The following PLEKHA1 variants were observed in gnomAD, a reference collection of about 807,000 sequenced individuals.
The protein encoded by PLEKHA1 is pleckstrin homology domain-containing family A member 1.
In PLEKHA1, 34 loss-of-function variants were observed where a neutral mutation model predicts 52.0. The ratio of observed to expected loss-of-function variants is 0.65; its 90% CI spans 0.50 to 0.87. The LOEUF is 0.87. PLEKHA1 is among the 40% of genes least tolerant of loss of function. The probability of loss-of-function intolerance (pLI) is 0.00; values close to 1 mark genes in which losing one functional copy is unlikely to be tolerated. For synonymous variants in PLEKHA1, 163 were observed against 170.7 expected (o/e 0.95, Z 0.35); for missense variants, 497 against 504.2 (o/e 0.99, Z 0.14).
In PLEKHA1 at chr10:122,379,705, A is replaced by C. The variant is rs560994565; in HGVS notation, c.-21+4899A>C. 2.0e-5 allele frequency among the ~76,000 whole-genome samples: 3 copies of C among 152,330 alleles called. No homozygotes were observed. The South Asian group carries it at 6.2e-4, about 32-fold the overall frequency. On this transcript the variant is annotated intron_variant, in intron 1 of 11. Coordinates refer to ENST00000368990, the MANE Select transcript of PLEKHA1 (RefSeq NM_001001974.4). The stretch of plus-strand genomic sequence containing the variant: ...TACAGATATTTGATCCTCTATGTCT[A>C]TATATCCTCAGCTTTGTGTTTGTCA...
chr10:122,408,677 C>T (rs1378336408), intron 5 of PLEKHA1, among the ~76,000 whole-genome samples: 1 of 152,024 alleles, frequency 6.6e-6, no homozygotes, highest in Non-Finnish European at 1.5e-5. Context: ...AAATAATTTC[C>T]TATGCTTTAA....
At chr10:122,428,410 G>T in intron 11 of PLEKHA1, 2 of 1,467,624 alleles carry the variant, frequency 1.4e-6, no homozygotes, top group South Asian at 2.9e-5. Flanking sequence ...ACTTACAACT[G>T]ATCATAGAAA....
intron 5 of PLEKHA1, among the ~76,000 whole-genome samples, chr10:122,409,873 G>A (rs1162751612): frequency 2.0e-5 from 3 of 151,264 alleles, no homozygotes; most frequent in Non-Finnish European, 4.4e-5. Flanking sequence ...CTCCGCCACC[G>A]GGGTTCAAGT....
At chr10:122,388,494 A>G (rs914171705) in intron 1 of PLEKHA1, among the ~76,000 whole-genome samples, 3 of 152,168 alleles carry the variant, frequency 2.0e-5, no homozygotes, top group Admixed American at 6.5e-5. Context: ...TCAATTCTGA[A>G]TATCTGAATC....
intron 8 of PLEKHA1, 191 bp downstream of exon 8, chr10:122,418,159 A>T (rs1400878674): frequency 2.1e-6 from 1 of 466,118 alleles, no homozygotes; most frequent in East Asian, 3.4e-5. Context: ...AAGTAAAAAG[A>T]TCCTATCTTC....
intron 8 of PLEKHA1, chr10:122,423,491 A>G (rs1031244288): frequency 2.6e-5 from 4 of 152,026 alleles, no homozygotes; most frequent in African/African-American, 9.6e-5. Context: ...TTGGTGCTAC[A>G]TAAAGTAATG....
At position 122,430,185 on chromosome 10, in the gene PLEKHA1, G is replaced by C. The variant is rs1007895905; in HGVS notation, c.*247G>C. On this transcript the variant is annotated 3_prime_UTR_variant, in exon 12 of 12. Coordinates refer to ENST00000368990, the MANE Select transcript of PLEKHA1 (RefSeq NM_001001974.4). ...GTATCATCTGTCTGAAGCATTGTGT[G>C]TTCTCATTCGGGTGGTAACAATGTA... 1.3e-5 allele frequency: 5 copies of C among 386,048 alleles called. No individual in the cohort carries two copies. Among genetic ancestry groups the C allele is most frequent in the African/African-American group, 2.1e-5 (1 of 48,256 alleles). The allele number at this position is 386,048 out of a possible 1,614,324, so 23.9% of individuals were successfully genotyped here.
rs183690207 is a variant in PLEKHA1 at position 122,400,082 on chromosome 10, C to T, written c.199-261C>T. ...ATAAAGCCTAATGGTTTACTTTCAG[C>T]TTCTCTCTGACATTTCTTTGAAGAG... On this transcript the variant is annotated intron_variant, in intron 3 of 11. Coordinates refer to ENST00000368990, the MANE Select transcript of PLEKHA1 (RefSeq NM_001001974.4). Among the ~76,000 whole-genome samples, 523 of 152,272 alleles carry T rather than the reference C, an allele frequency of 3.4e-3. 3 individuals carry two copies. The highest frequency in any genetic ancestry group is 9.5e-3 in the South Asian group (46 of 4,830).
chr10:122,398,977 C>G lies in PLEKHA1; in HGVS notation c.198+1003C>G, dbSNP rs77101676. 2.3e-3 allele frequency among the ~76,000 whole-genome samples: 350 copies of G among 152,250 alleles called. 3 individuals are homozygous for G. Among genetic ancestry groups the G allele is most frequent in the African/African-American group, 7.9e-3 (330 of 41,552 alleles). On this transcript the variant is annotated intron_variant, in intron 3 of 11. Transcript: ENST00000368990. Reference sequence around the variant, plus strand: ...ATACGACAAATATTGTATGGAAGCTCTTTCTTGAAATCAGTAAAGTAGGTG... The same window carrying G: ...ATACGACAAATATTGTATGGAAGCTGTTTCTTGAAATCAGTAAAGTAGGTG...
intron 10 of PLEKHA1, chr10:122,425,335 A>G: frequency 6.3e-6 from 1 of 158,712 alleles, no homozygotes; most frequent in Non-Finnish European, 1.4e-5. Context: ...CAGTAGATTT[A>G]TATAGTTTCA....
At chr10:122,434,787 C>A (rs1283144768), downstream of PLEKHA1, 4 of 128,222 alleles carry the variant, frequency 3.1e-5, no homozygotes, top group Non-Finnish European at 6.3e-5. Context: ...TCTCATTGTT[C>A]AATTCCCATC....
intron 9 of PLEKHA1, 57 bp from the exon 10 acceptor site, chr10:122,424,834 CAAATG>C: frequency 1.4e-6 from 2 of 1,419,488 alleles, no homozygotes; most frequent in Non-Finnish European, 2.0e-6. Flanking sequence ...ACTGGGTAAA[CAAATG>C]AAAGAGAAAC....
At chr10:122,439,237 A>T in the PLEKHA1 span, 2 of 152,190 alleles carry the variant, frequency 1.3e-5, no homozygotes, top group East Asian at 1.9e-4. Flanking sequence ...TTTGGTCAAG[A>T]TATGTTATTT....
chr10:122,427,329 C>A (rs984566489), intron 11 of PLEKHA1, among the ~76,000 whole-genome samples: 2 of 152,204 alleles, frequency 1.3e-5, no homozygotes, highest in Non-Finnish European at 2.9e-5. Context: ...CTAGATTTGG[C>A]ATAATCTGAC....
At chr10:122,418,118 G>A (rs1354523284) in intron 8 of PLEKHA1, 150 bp downstream of exon 8, 1 of 510,494 alleles carries the variant, frequency 2.0e-6, no homozygotes, top group Non-Finnish European at 3.3e-6. Flanking sequence ...TGATGCTTTT[G>A]GTTAATGATA....
rs150105161 is a variant in PLEKHA1, at chr10:122,429,630, C to T, written c.907C>T (p.Pro303Ser). 745 of 1,611,686 alleles carry T rather than the reference C, an allele frequency of 4.6e-4. 4 individuals are homozygous for T. Among genetic ancestry groups the T allele is most frequent in the Non-Finnish European group, 5.7e-4 (674 of 1,178,374 alleles). Residue 303 changes from proline (P) to serine (S), a missense_variant, in exon 12 of 12, where the codon CCC becomes TCC. Pro to Ser is a moderately conservative substitution (Grantham distance 74). Coordinates refer to ENST00000368990, the MANE Select transcript of PLEKHA1 (RefSeq NM_001001974.4). The part of the protein sequence containing the change: ...GPGRSASSEH[P>S]PGPSESKHAF... ...CTGCCACTCCTTTTTGCAGGAGCATCCCCCCGGTCCTTCAGAATCCAAACA... is the reference window on the plus strand; with the variant it reads ...CTGCCACTCCTTTTTGCAGGAGCATTCCCCCGGTCCTTCAGAATCCAAACA...
intron 11 of PLEKHA1, among the ~76,000 whole-genome samples, chr10:122,427,476 C>T (rs2097356325): frequency 6.6e-6 from 1 of 152,112 alleles, no homozygotes; most frequent in Non-Finnish European, 1.5e-5. Context: ...TTGTTTTTTA[C>T]CTTTGGCTTA....
Position 122,424,185 on chromosome 10 carries a change from T to TC in PLEKHA1, c.682-14_682-13insC, listed in dbSNP as rs765659507. 6.7e-7 allele frequency: 1 copy of TC among 1,500,578 alleles called. No individual in the cohort carries two copies. Among genetic ancestry groups the TC allele is most frequent in the South Asian group, 1.3e-5 (1 of 76,462 alleles). 93.0% of individuals were successfully genotyped at this position (1,500,578 alleles called of 1,614,324 possible). On this transcript the variant is annotated splice_polypyrimidine_tract_variant and intron_variant, in intron 8 of 11. Transcript: ENST00000368990. ...ATCATGTAACTGTTTTTTTTTTTTT[T>TC]TTTTTTTTGCCAGGAAAAGGAACCT...
intron 4 of PLEKHA1, among the ~76,000 whole-genome samples, chr10:122,404,575 A>G (rs964576131): frequency 6.6e-6 from 1 of 152,254 alleles, no homozygotes. Flanking sequence ...TTATAAAAGG[A>G]AGCCTTACCG....
Sources: allele counts gnomAD v4.1 joint callset (sites outside exome capture counted in the v4.1 genomes callset), GRCh38; gene constraint gnomAD v4.1.1; transcripts MANE v1.5; gene names NCBI Gene and HGNC (gene_info 2026-07-23, HGNC 2026-07-21).